Variants in PPP4R2 observed in about 807,000 individuals in gnomAD.
PPP4R2 encodes serine/threonine-protein phosphatase 4 regulatory subunit 2.
A neutral mutation model predicts 47.2 loss-of-function variants in PPP4R2; 13 were observed. That is an observed-to-expected ratio of 0.28 (90% confidence interval 0.18 to 0.44). PPP4R2 has a LOEUF of 0.44. Among genes scored for constraint, PPP4R2 ranks in the 20% least tolerant of loss-of-function variants. The pLI, the probability that PPP4R2 is intolerant of heterozygous loss-of-function variation, is 1.00. For missense variants in PPP4R2, 421 were observed against 491.2 expected (o/e 0.86, Z 1.35); for synonymous variants, 151 against 163.3 (o/e 0.92, Z 0.57).
chr3:73,039,747 A>G (rs755290689), intron 2 of PPP4R2, among the ~76,000 whole-genome samples: 5 of 152,150 alleles, frequency 3.3e-5, no homozygotes, highest in East Asian at 3.9e-4. Flanking sequence ...AAAGAATTCT[A>G]TCCAACTTGA....
chr3:73,064,059 T>C lies in PPP4R2; in HGVS notation c.551T>C (p.Leu184Ser). The change falls in exon 7 of 9, where the codon TTG becomes TCG. Residue 184 changes from leucine (L) to serine (S), a missense_variant. Leu to Ser is a moderately radical substitution (Grantham distance 145). Around this residue, in one of 2 missense-constraint regions of PPP4R2, gnomAD observed 317 missense variants for 287.5 expected, o/e 1.10. Coordinates refer to ENST00000356692, the MANE Select transcript of PPP4R2 (RefSeq NM_174907.4). ...PRPLNRPKVS[L>S]SAPMTTNGLP... is the part of the protein sequence containing the mutation. ...CCACTTAATCGACCAAAGGTTTCTT[T>C]GTCAGCCCCCATGACAACAAATGGG... 1 of 1,613,444 alleles carries C rather than the reference T, an allele frequency of 6.2e-7. No homozygotes were observed. The highest frequency in any genetic ancestry group is 8.5e-7 in the Non-Finnish European group (1 of 1,179,774).
intron 2 of PPP4R2, among the ~76,000 whole-genome samples, chr3:73,006,932 C>T (rs528200770): frequency 9.0e-6 from 1 of 111,478 alleles, no homozygotes; most frequent in Non-Finnish European, 1.9e-5. Context: ...TCAGTTTTTC[C>T]TCATCCACTT....
chr3:73,018,689 T>C (rs1182692436), intron 2 of PPP4R2, among the ~76,000 whole-genome samples: 1 of 152,188 alleles, frequency 6.6e-6, no homozygotes, highest in Non-Finnish European at 1.5e-5. Flanking sequence ...GTTCACTGAA[T>C]ATGCAGTGTT....
At chr3:73,008,704 A>G (rs1575841378) in intron 2 of PPP4R2, among the ~76,000 whole-genome samples, 1 of 152,250 alleles carries the variant, frequency 6.6e-6, no homozygotes, top group East Asian at 1.9e-4. Flanking sequence ...GGACTTGAAT[A>G]ATAAAGTATA....
intron 2 of PPP4R2, among the ~76,000 whole-genome samples, chr3:73,021,579 C>A (rs1053543588): frequency 6.6e-6 from 1 of 151,960 alleles, no homozygotes; most frequent in Non-Finnish European, 1.5e-5. Context: ...TAGATACTTT[C>A]AACATAAATT....
chr3:73,047,084 T>A, intron 2 of PPP4R2, 102 bp from the exon 3 acceptor site: 1 of 640,402 alleles, frequency 1.6e-6, no homozygotes, highest in South Asian at 2.4e-5. Flanking sequence ...CACATCTTAA[T>A]TTTGTTAGTA....
chr3:73,040,306 A>G (rs1310428647), intron 2 of PPP4R2, among the ~76,000 whole-genome samples: 3 of 152,188 alleles, frequency 2.0e-5, no homozygotes, highest in African/African-American at 7.2e-5. Context: ...AAAGTATGGT[A>G]CATGGTGTCT....
chr3:73,042,343 T>C (rs906110013), intron 2 of PPP4R2, among the ~76,000 whole-genome samples: 3 of 150,926 alleles, frequency 2.0e-5, no homozygotes, highest in African/African-American at 7.3e-5. Flanking sequence ...GCCTGTTTTT[T>C]GTGCCTGAAT....
chr3:72,997,200 C>T lies in PPP4R2; in HGVS notation c.34+129C>T, dbSNP rs1024999030. On this transcript the variant is annotated intron_variant, in intron 1 of 8. Coordinates refer to ENST00000356692, the MANE Select transcript of PPP4R2 (RefSeq NM_174907.4). ...GGGAGAGTGCTTCCCGGGCTCCCAT[C>T]CCCCTCCACCTCCCCAGGGGCGGGG... 4 of 619,574 alleles carry T rather than the reference C, an allele frequency of 6.5e-6. No homozygotes were observed. In the African/African-American group the frequency reaches 7.6e-5, roughly 12 times the overall value. 38.4% of individuals were successfully genotyped at this position (619,574 alleles called of 1,614,324 possible).
intron 2 of PPP4R2, among the ~76,000 whole-genome samples, chr3:73,012,357 C>T (rs1403783917): frequency 3.3e-5 from 5 of 151,954 alleles, no homozygotes; most frequent in Admixed American, 3.3e-4. Context: ...TGGAGTGCAG[C>T]GGCGCAATCT....
rs775783057 is a variant in PPP4R2, at chr3:73,065,450, G to T, written c.982G>T (p.Glu328Ter). 1 of 1,607,402 alleles carries T rather than the reference G, an allele frequency of 6.2e-7. No individual in the cohort carries two copies. The highest frequency in any genetic ancestry group is 8.5e-7 in the Non-Finnish European group (1 of 1,177,690). ...MIPERKNQEK[E>*]SDDALTVNEE... ...CCCAGAAAGAAAAAATCAAGAAAAA[G>T]AATCTGATGATGCCTTAACTGTGAA... is the stretch of plus-strand genomic sequence containing the variant. The change falls in exon 9 of 9, where the codon GAA becomes TAA. Residue 328 changes from glutamate to a stop codon, truncating the protein, a stop_gained. Coordinates refer to ENST00000356692, the MANE Select transcript of PPP4R2 (RefSeq NM_174907.4). LOFTEE classifies it high-confidence loss of function.
In PPP4R2 at chr3:73,063,621, T is replaced by A. The variant is rs1034166316; in HGVS notation, c.420-52T>A. Reference sequence around the variant, plus strand: ...TCCACCTTGGGTGACAGAGCCAGACTCCATCTAAAAAAAAATTAAGTCATC... The same window carrying A: ...TCCACCTTGGGTGACAGAGCCAGACACCATCTAAAAAAAAATTAAGTCATC... On this transcript the variant is annotated intron_variant, in intron 5 of 8. Coordinates refer to ENST00000356692, the MANE Select transcript of PPP4R2 (RefSeq NM_174907.4). 34 of 1,055,952 alleles carry A rather than the reference T, an allele frequency of 3.2e-5. 1 individual carries two copies. The highest frequency in any genetic ancestry group is 1.1e-4 in the Admixed American group (6 of 56,962). 65.4% of individuals were successfully genotyped at this position (1,055,952 alleles called of 1,614,324 possible).
chr3:73,021,426 A>G (rs1192214966), intron 2 of PPP4R2, among the ~76,000 whole-genome samples: 1 of 151,842 alleles, frequency 6.6e-6, no homozygotes, highest in African/African-American at 2.4e-5. Flanking sequence ...TTGTGGAGAT[A>G]GGGTTTTGCC....
At chr3:73,040,568 A>T (rs1702357856) in intron 2 of PPP4R2, among the ~76,000 whole-genome samples, 1 of 147,556 alleles carries the variant, frequency 6.8e-6, no homozygotes, top group Admixed American at 6.9e-5. Flanking sequence ...GCAGTGGCAT[A>T]ACCTTGGCGC....
At chr3:72,999,828 C>G (rs1701422858) in intron 2 of PPP4R2, among the ~76,000 whole-genome samples, 1 of 152,122 alleles carries the variant, frequency 6.6e-6, no homozygotes, top group Non-Finnish European at 1.5e-5. Flanking sequence ...TAGTTAGATT[C>G]TTATATTCAA....
At chr3:73,025,194 A>G (rs551046832) in intron 2 of PPP4R2, among the ~76,000 whole-genome samples, 2 of 152,336 alleles carry the variant, frequency 1.3e-5, no homozygotes, top group Admixed American at 6.5e-5. Context: ...AGTATGTGCT[A>G]TAACCAGCAT....
At chr3:73,045,047 C>T (rs6549501) in intron 2 of PPP4R2, among the ~76,000 whole-genome samples, 3 of 151,962 alleles carry the variant, frequency 2.0e-5, no homozygotes, top group Admixed American at 2.0e-4. Flanking sequence ...AGGCTGGATT[C>T]CAGTGGTGTG....
chr3:73,052,173 A>C (rs899995561), intron 3 of PPP4R2, among the ~76,000 whole-genome samples: 16 of 152,076 alleles, frequency 1.1e-4, no homozygotes, highest in Admixed American at 7.9e-4. Flanking sequence ...AAAAAGAATA[A>C]AAGTATATTT....
intron 3 of PPP4R2, among the ~76,000 whole-genome samples, chr3:73,054,721 G>C (rs1559565959): frequency 6.6e-6 from 1 of 152,074 alleles, no homozygotes; most frequent in African/African-American, 2.4e-5. Flanking sequence ...ATGTGGAAAA[G>C]TTGCTTATAT....
Sources: allele counts gnomAD v4.1 joint callset (sites outside exome capture counted in the v4.1 genomes callset), GRCh38; gene constraint gnomAD v4.1.1; regional missense constraint gnomAD v4.1.1; transcripts MANE v1.5; gene names NCBI Gene and HGNC (gene_info 2026-07-23, HGNC 2026-07-21).